Variants in GPC6 observed in about 807,000 individuals in gnomAD.
GPC6 encodes glypican-6.
A neutral mutation model predicts 55.2 loss-of-function variants in GPC6; 14 were observed. The observed-to-expected ratio is 0.25, with a 90% CI of 0.17 to 0.40. The LOEUF (loss-of-function observed/expected upper bound fraction) is 0.40. Ranked by LOEUF, GPC6 falls within the 10% of genes least tolerant of loss-of-function variation. The pLI, the probability that GPC6 is intolerant of heterozygous loss-of-function variation, is 1.00. For missense variants in GPC6, 641 were observed against 708.5 expected (o/e 0.90, Z 1.08); for synonymous variants, 278 against 259.6 (o/e 1.07, Z -0.68).
intron 1 of GPC6, among the ~76,000 whole-genome samples, chr13:93,442,020 G>A (rs1877823425): frequency 6.6e-6 from 1 of 152,114 alleles, no homozygotes; most frequent in Non-Finnish European, 1.5e-5. Flanking sequence ...ATTTTAAACA[G>A]GAAAGGATGG....
intron 1 of GPC6, among the ~76,000 whole-genome samples, chr13:93,350,973 T>C (rs555948405): frequency 4.6e-5 from 7 of 152,224 alleles, no homozygotes; most frequent in African/African-American, 1.7e-4. Flanking sequence ...GTATATAGCA[T>C]ATAAATGAAG....
intron 3 of GPC6, among the ~76,000 whole-genome samples, chr13:93,965,842 G>C (rs566512668): frequency 1.7e-3 from 259 of 152,238 alleles, no homozygotes; most frequent in African/African-American, 5.8e-3. Flanking sequence ...CTGGAATTAT[G>C]AATGAATAAG....
intron 1 of GPC6, among the ~76,000 whole-genome samples, chr13:93,362,381 T>C (rs958728072): frequency 6.6e-6 from 1 of 152,140 alleles, no homozygotes; most frequent in African/African-American, 2.4e-5. Context: ...TTAGTACCCA[T>C]AAAGACATTA....
intron 6 of GPC6, among the ~76,000 whole-genome samples, chr13:94,322,308 A>T (rs1876870109): frequency 1.3e-5 from 2 of 152,212 alleles, no homozygotes; most frequent in Non-Finnish European, 2.9e-5. Flanking sequence ...CTGTGAGTCC[A>T]TTAAGCCTCT....
At chr13:93,245,696 G>C (rs907064136) in intron 1 of GPC6, among the ~76,000 whole-genome samples, 1 of 152,134 alleles carries the variant, frequency 6.6e-6, no homozygotes, top group African/African-American at 2.4e-5. Context: ...GTCACCTTTT[G>C]GATAATGGTT....
chr13:93,998,524 C>G (rs1881656710), intron 3 of GPC6, among the ~76,000 whole-genome samples: 1 of 151,998 alleles, frequency 6.6e-6, no homozygotes, highest in Non-Finnish European at 1.5e-5. Context: ...TGAATTGTTC[C>G]AGAAAGAAGC....
intron 1 of GPC6, among the ~76,000 whole-genome samples, chr13:93,273,630 C>T (rs994513468): frequency 3.3e-5 from 5 of 152,058 alleles, no homozygotes; most frequent in South Asian, 4.1e-4. Context: ...TGCACTCCAG[C>T]CTGGGCGACA....
Position 94,382,495 on chromosome 13 carries a change from G to A in GPC6, c.1234G>A (p.Val412Met), listed in dbSNP as rs1535692. Residue 412 changes from valine (V) to methionine (M), a missense_variant, in exon 7 of 9, where the codon GTG becomes ATG. Coordinates refer to ENST00000377047, the MANE Select transcript of GPC6 (RefSeq NM_005708.5). Reference sequence around the variant, plus strand: ...CTACACTATCTGCAAGGACGAGAGCGTGACAGCGGGCACGTCCAACGAGGA... The same window carrying A: ...CTACACTATCTGCAAGGACGAGAGCATGACAGCGGGCACGTCCAACGAGGA... ...LPYTICKDES[V>M]TAGTSNEEEC... 312,423 of 1,613,826 alleles carry A rather than the reference G, an allele frequency of 0.19. 32,202 individuals are homozygous for A. Among genetic ancestry groups the A allele is most frequent in the Admixed American group, 0.31 (18,673 of 60,000 alleles).
intron 6 of GPC6, among the ~76,000 whole-genome samples, chr13:94,349,530 A>G (rs537639026): frequency 2.1e-4 from 32 of 152,286 alleles, no homozygotes; most frequent in African/African-American, 7.0e-4. Context: ...ATCAAGTTCA[A>G]TGTCTCTATA....
At chr13:93,752,019 T>C (rs1884611073) in intron 2 of GPC6, among the ~76,000 whole-genome samples, 1 of 152,172 alleles carries the variant, frequency 6.6e-6, no homozygotes, top group African/African-American at 2.4e-5. Context: ...ATACTATTAA[T>C]CAGCTCTATT....
intron 2 of GPC6, among the ~76,000 whole-genome samples, chr13:93,610,880 C>G (rs535733273): frequency 6.6e-6 from 1 of 152,126 alleles, no homozygotes; most frequent in African/African-American, 2.4e-5. Context: ...GGAAAACACT[C>G]ATTTAGTAAG....
chr13:93,962,428 T>C (rs2140384968), intron 3 of GPC6, among the ~76,000 whole-genome samples: 1 of 151,798 alleles, frequency 6.6e-6, no homozygotes, highest in Admixed American at 6.6e-5. Flanking sequence ...TATATATATA[T>C]TTTTTTTCTT....
At chr13:94,174,658 A>G (rs1385751524) in intron 4 of GPC6, among the ~76,000 whole-genome samples, 3 of 152,274 alleles carry the variant, frequency 2.0e-5, no homozygotes, top group East Asian at 3.9e-4. Context: ...AGTTTGTGCT[A>G]TCTCATCAAG....
intron 4 of GPC6, among the ~76,000 whole-genome samples, chr13:94,258,734 C>G (rs1891572930): frequency 6.6e-6 from 1 of 152,092 alleles, no homozygotes; most frequent in Non-Finnish European, 1.5e-5. Flanking sequence ...GGTTTCGTTG[C>G]AATAATAATT....
At chr13:93,961,478 T>C (rs1207257213) in intron 3 of GPC6, among the ~76,000 whole-genome samples, 1 of 152,226 alleles carries the variant, frequency 6.6e-6, no homozygotes, top group Non-Finnish European at 1.5e-5. Context: ...AAGTAGCCCA[T>C]TGAACTTTTA....
intron 4 of GPC6, among the ~76,000 whole-genome samples, chr13:94,109,889 G>T (rs140174151): frequency 6.6e-6 from 1 of 151,922 alleles, no homozygotes; most frequent in South Asian, 2.1e-4. Flanking sequence ...AAGTGTTCTA[G>T]TCATTGTGGC....
chr13:94,347,977 CCAGGTTGAT>C, intron 6 of GPC6, among the ~76,000 whole-genome samples: 1 of 152,290 alleles, frequency 6.6e-6, no homozygotes, highest in South Asian at 2.1e-4. Flanking sequence ...CCGTCACTGC[CCAGGTTGAT>C]CAGGTTCTAT....
intron 1 of GPC6, among the ~76,000 whole-genome samples, chr13:93,288,937 A>T (rs911506472): frequency 5.9e-5 from 9 of 152,194 alleles, no homozygotes. Flanking sequence ...ACCACAGGCC[A>T]GTTACAGTAA....
chr13:93,337,988 G>A (rs541725307), intron 1 of GPC6, among the ~76,000 whole-genome samples: 1 of 152,266 alleles, frequency 6.6e-6, no homozygotes, highest in African/African-American at 2.4e-5. Context: ...CTTAATAACT[G>A]TAGAGAACCC....
Sources: allele counts gnomAD v4.1 joint callset (sites outside exome capture counted in the v4.1 genomes callset), GRCh38; gene constraint gnomAD v4.1.1; transcripts MANE v1.5; gene names NCBI Gene and HGNC (gene_info 2026-07-23, HGNC 2026-07-21).